The following TMEM132C variants were observed in gnomAD, a reference collection of about 807,000 sequenced individuals.
The protein encoded by TMEM132C is transmembrane protein 132C, also known as protein phosphatase 1, regulatory subunit 152.
TMEM132C carries 29 observed loss-of-function variants against 61.4 expected under a neutral mutation model. The observed-to-expected ratio is 0.47, with a 90% CI of 0.35 to 0.64. TMEM132C has a LOEUF of 0.64. Among genes scored for constraint, TMEM132C ranks in the 30% least tolerant of loss-of-function variants. The pLI is 0.00. For synonymous variants in TMEM132C, 656 were observed against 633.1 expected (o/e 1.04, Z -0.54); for missense variants, 1,408 against 1,476.9 (o/e 0.95, Z 0.76).
intron 1 of TMEM132C, among the ~76,000 whole-genome samples, chr12:128,413,298 C>CA (rs56026776): frequency 0.04 from 2,400 of 60,400 alleles, 318 homozygotes; most frequent in African/African-American, 0.16. Context: ...GACTCTGTCT[C>CA]AAAAAAAAAA....
intron 2 of TMEM132C, among the ~76,000 whole-genome samples, chr12:128,537,654 A>G (rs11059746): frequency 0.55 from 84,112 of 151,636 alleles, 24,279 homozygotes; most frequent in Non-Finnish European, 0.64. Flanking sequence ...AGGTGTGACT[A>G]TGAAGGGGGC....
chr12:128,591,846 G>A (rs1226988339), intron 3 of TMEM132C, among the ~76,000 whole-genome samples: 1 of 152,158 alleles, frequency 6.6e-6, no homozygotes, highest in East Asian at 1.9e-4. Flanking sequence ...GAGGTCAGAA[G>A]TTCAAGACCA....
At chr12:128,574,220 A>G (rs1487014717) in intron 3 of TMEM132C, among the ~76,000 whole-genome samples, 1 of 152,182 alleles carries the variant, frequency 6.6e-6, no homozygotes, top group Non-Finnish European at 1.5e-5. Flanking sequence ...TCACTTTTAT[A>G]TCGCTCAGAG....
intron 1 of TMEM132C, among the ~76,000 whole-genome samples, chr12:128,329,462 G>C (rs1872615384): frequency 6.6e-6 from 1 of 152,126 alleles, no homozygotes; most frequent in Non-Finnish European, 1.5e-5. Context: ...GGCGGAAAGA[G>C]GATTAACTTT....
At chr12:128,490,197 G>C (rs957477) in intron 2 of TMEM132C, among the ~76,000 whole-genome samples, 1 of 152,198 alleles carries the variant, frequency 6.6e-6, no homozygotes, top group Non-Finnish European at 1.5e-5. Context: ...GAGTGTGAAA[G>C]AGACTGGGTT....
Position 128,589,228 on chromosome 12 carries a change from T to G in TMEM132C, c.1122-26924T>G, listed in dbSNP as rs1020600287. Among the ~76,000 whole-genome samples the G allele has an allele frequency of 2.0e-5, 3 of 152,118 alleles. No individual in the cohort carries two copies. The South Asian group carries it at 6.2e-4, about 32-fold the overall frequency. ...AGGCAAGGCGCACAAGGAACAAGCGTTAGTGCAGAACGTGAGGCCCCTCCA... is the reference window on the plus strand; with the variant it reads ...AGGCAAGGCGCACAAGGAACAAGCGGTAGTGCAGAACGTGAGGCCCCTCCA... On this transcript the variant is annotated intron_variant, in intron 3 of 8. Coordinates refer to ENST00000435159, the MANE Select transcript of TMEM132C (RefSeq NM_001136103.3).
rs572334168 is a variant in TMEM132C at position 128,639,602 on chromosome 12, G to C, written c.1305+23267G>C. The stretch of plus-strand genomic sequence containing the variant: ...AAGGGATTGACTTCTTTCCTTTCTT[G>C]TGTTCATAAATTAACTCTGAGAGCA... On this transcript the variant is annotated intron_variant, in intron 4 of 8. Coordinates refer to ENST00000435159, the MANE Select transcript of TMEM132C (RefSeq NM_001136103.3). Among the ~76,000 whole-genome samples, 3 of 152,250 alleles carry C rather than the reference G, an allele frequency of 2.0e-5. No individual in the cohort carries two copies. The South Asian group carries it at 6.2e-4, about 32-fold the overall frequency.
intron 2 of TMEM132C, among the ~76,000 whole-genome samples, chr12:128,504,410 G>A (rs565220054): frequency 1.2e-4 from 18 of 152,260 alleles, no homozygotes; most frequent in Admixed American, 2.6e-4. Context: ...AGTCAATGTT[G>A]GACAATCTTT....
In TMEM132C at chr12:128,529,493, A is replaced by G. The variant is rs191815852; in HGVS notation, c.975-14464A>G. On this transcript the variant is annotated intron_variant, in intron 2 of 8. Coordinates refer to ENST00000435159, the MANE Select transcript of TMEM132C (RefSeq NM_001136103.3). Reference sequence around the variant, plus strand: ...TCTTTTTCTATTAATAGAATAAAAGAGATATAAGGGCCAGACGTGGTGGCT... The same window carrying G: ...TCTTTTTCTATTAATAGAATAAAAGGGATATAAGGGCCAGACGTGGTGGCT... Among the ~76,000 whole-genome samples, 268 of 152,300 alleles carry G rather than the reference A, an allele frequency of 1.8e-3. 2 individuals carry two copies. The highest frequency in any genetic ancestry group is 3.5e-3 in the Admixed American group (54 of 15,282).
intron 8 of TMEM132C, among the ~76,000 whole-genome samples, chr12:128,702,717 G>A (rs776999409): frequency 4.6e-5 from 7 of 152,212 alleles, no homozygotes; most frequent in Non-Finnish European, 8.8e-5. Flanking sequence ...TCCCACCCAA[G>A]TGTGGGCTTT....
At chr12:128,374,821 G>A (rs1874137909) in intron 1 of TMEM132C, among the ~76,000 whole-genome samples, 2 of 151,844 alleles carry the variant, frequency 1.3e-5, no homozygotes, top group South Asian at 2.1e-4. Flanking sequence ...TTAGGAGGCT[G>A]AGGAAGGAGA....
intron 1 of TMEM132C, among the ~76,000 whole-genome samples, chr12:128,354,353 C>T (rs1173462342): frequency 1.3e-5 from 2 of 151,922 alleles, no homozygotes; most frequent in East Asian, 3.9e-4. Context: ...TTCTTCCTCT[C>T]TTTCTTCTTT....
At chr12:128,485,457 G>A (rs1683252072) in intron 2 of TMEM132C, among the ~76,000 whole-genome samples, 1 of 152,154 alleles carries the variant, frequency 6.6e-6, no homozygotes, top group Non-Finnish European at 1.5e-5. Flanking sequence ...GATTACAGGC[G>A]TGAGCCACCA....
intron 2 of TMEM132C, among the ~76,000 whole-genome samples, chr12:128,456,911 A>G (rs1306049059): frequency 6.6e-6 from 1 of 152,154 alleles, no homozygotes; most frequent in Non-Finnish European, 1.5e-5. Context: ...GGATTCTTAC[A>G]TAATACACTA....
At chr12:128,684,154 A>G (rs911900127) in intron 5 of TMEM132C, among the ~76,000 whole-genome samples, 2 of 152,074 alleles carry the variant, frequency 1.3e-5, no homozygotes, top group Non-Finnish European at 2.9e-5. Flanking sequence ...ATTGCTCACA[A>G]TTATTTTCTT....
intron 4 of TMEM132C, among the ~76,000 whole-genome samples, chr12:128,663,776 TATC>T (rs150832505): frequency 0.021 from 3,155 of 152,198 alleles, 73 homozygotes; most frequent in African/African-American, 0.055. Context: ...GCCACATCAA[TATC>T]ATGCACACAC....
intron 5 of TMEM132C, among the ~76,000 whole-genome samples, chr12:128,675,341 GA>G (rs1432990859): frequency 6.6e-6 from 1 of 152,176 alleles, no homozygotes; most frequent in Non-Finnish European, 1.5e-5. Context: ...TCTTATAGTA[GA>G]AAAAAACTGA....
chr12:128,269,828 A>AC (rs1185356099), intron 1 of TMEM132C, among the ~76,000 whole-genome samples: 1 of 151,804 alleles, frequency 6.6e-6, no homozygotes, highest in Non-Finnish European at 1.5e-5. Flanking sequence ...CTTTAAAAAA[A>AC]AAAAGCCATC....
intron 3 of TMEM132C, among the ~76,000 whole-genome samples, chr12:128,547,973 C>T (rs1874018878): frequency 6.6e-6 from 1 of 152,078 alleles, no homozygotes; most frequent in Non-Finnish European, 1.5e-5. Flanking sequence ...CATGACCGCT[C>T]ACCCCTGTTG....
Sources: allele counts gnomAD v4.1 joint callset (sites outside exome capture counted in the v4.1 genomes callset), GRCh38; gene constraint gnomAD v4.1.1; transcripts MANE v1.5; gene names NCBI Gene and HGNC (gene_info 2026-07-23, HGNC 2026-07-21).